Variants in ZDHHC20 observed in about 807,000 individuals in gnomAD.
The protein encoded by ZDHHC20 is zDHHC palmitoyltransferase 20, also known as palmitoyltransferase ZDHHC20.
ZDHHC20 carries 43 observed loss-of-function variants against 57.8 expected under a neutral mutation model. The ratio of observed to expected loss-of-function variants is 0.74; its 90% CI spans 0.58 to 0.96. The LOEUF (loss-of-function observed/expected upper bound fraction) is 0.96. Ranked by LOEUF, ZDHHC20 falls within the 40% of genes least tolerant of loss-of-function variation. The pLI is 0.00. For missense variants in ZDHHC20, 391 were observed against 441.1 expected (o/e 0.89, Z 1.02); for synonymous variants, 157 against 153.0 (o/e 1.03, Z -0.19).
intron 4 of ZDHHC20, among the ~76,000 whole-genome samples, chr13:21,412,121 G>T (rs528068926): frequency 6.6e-6 from 1 of 152,310 alleles, no homozygotes; most frequent in East Asian, 1.9e-4. Flanking sequence ...AACAGGAAGG[G>T]TGCTGCATCC....
In ZDHHC20 at chr13:21,402,825, G is replaced by C. The variant is rs981600749; in HGVS notation, c.412C>G (p.Arg138Gly). 2 of 1,598,792 alleles carry C rather than the reference G, an allele frequency of 1.3e-6. No individual in the cohort carries two copies. Among genetic ancestry groups the C allele is most frequent in the Non-Finnish European group, 1.7e-6 (2 of 1,172,356 alleles). ...CEKCQLIKPD[R>G]AHHCSACDSC... ...TCACAGGCTGAGCAGTGATGCGCCC[G>C]ATCAGGTTTAATCAGCTGACATTTT... The change falls in exon 5 of 13, where the codon CGG becomes GGG. Residue 138 changes from arginine to glycine, a missense_variant. Arg to Gly is a moderately radical substitution (Grantham distance 125). Coordinates refer to ENST00000400590, the MANE Select transcript of ZDHHC20 (RefSeq NM_001330059.2).
chr13:21,412,967 C>CAAAAA (rs60707653), intron 4 of ZDHHC20, among the ~76,000 whole-genome samples: 27 of 67,084 alleles, frequency 4.0e-4, no homozygotes, highest in African/African-American at 1.2e-3. Context: ...GACTCCGTCT[C>CAAAAA]AAAAAAAAAA....
At chr13:21,446,584 T>C (rs561613360) in intron 1 of ZDHHC20, among the ~76,000 whole-genome samples, 1 of 152,356 alleles carries the variant, frequency 6.6e-6, no homozygotes, top group South Asian at 2.1e-4. Context: ...TTTTTTTAAA[T>C]TTTATTTTAA....
At chr13:21,419,647 C>T (rs1038154641) in intron 3 of ZDHHC20, among the ~76,000 whole-genome samples, 2 of 152,126 alleles carry the variant, frequency 1.3e-5, no homozygotes, top group Non-Finnish European at 2.9e-5. Context: ...CTAGAAAACT[C>T]CATTTATATT....
At chr13:21,383,146 AT>A in intron 9 of ZDHHC20, 137 bp from the exon 10 acceptor site, 1 of 761,488 alleles carries the variant, frequency 1.3e-6, no homozygotes, top group Non-Finnish European at 2.1e-6. Flanking sequence ...AAAATTTCTA[AT>A]TTAGGGGTTA....
At chr13:21,439,059 A>C (rs1488969451) in intron 1 of ZDHHC20, among the ~76,000 whole-genome samples, 2 of 152,200 alleles carry the variant, frequency 1.3e-5, no homozygotes, top group Admixed American at 6.5e-5. Flanking sequence ...GGAAACCAAA[A>C]ACTTGTATGA....
At chr13:21,383,658 T>TA (rs992709553) in intron 9 of ZDHHC20, among the ~76,000 whole-genome samples, 4 of 152,228 alleles carry the variant, frequency 2.6e-5, no homozygotes, top group Admixed American at 2.6e-4. Flanking sequence ...CTGACCTGCT[T>TA]ATCATAATCA....
chr13:21,379,436 C>G (rs942731060), intron 11 of ZDHHC20, among the ~76,000 whole-genome samples: 4 of 152,042 alleles, frequency 2.6e-5, no homozygotes, highest in African/African-American at 9.7e-5. Flanking sequence ...CACATGCTAT[C>G]AGGCCTAGAA....
intron 4 of ZDHHC20, among the ~76,000 whole-genome samples, chr13:21,409,218 G>T (rs1878871276): frequency 6.6e-6 from 1 of 152,160 alleles, no homozygotes; most frequent in Non-Finnish European, 1.5e-5. Context: ...GTAGAATTTG[G>T]CTGTGAATCC....
At chr13:21,402,165 CTA>C (rs1877724231) in intron 5 of ZDHHC20, among the ~76,000 whole-genome samples, 1 of 152,098 alleles carries the variant, frequency 6.6e-6, no homozygotes, top group Non-Finnish European at 1.5e-5. Flanking sequence ...CAGATGGCCC[CTA>C]TGTTATTTTA....
At chr13:21,411,105 C>T (rs1372796435) in intron 4 of ZDHHC20, among the ~76,000 whole-genome samples, 1 of 152,164 alleles carries the variant, frequency 6.6e-6, no homozygotes, top group Non-Finnish European at 1.5e-5. Flanking sequence ...CTTCCCTTGG[C>T]TAGGGGAGGG....
intron 1 of ZDHHC20, among the ~76,000 whole-genome samples, chr13:21,441,857 G>A (rs1322243542): frequency 6.6e-6 from 1 of 151,968 alleles, no homozygotes; most frequent in Admixed American, 6.6e-5. Flanking sequence ...CAGATAATCT[G>A]CACACAGAAA....
At chr13:21,409,143 C>T (rs1878858807) in intron 4 of ZDHHC20, among the ~76,000 whole-genome samples, 1 of 152,166 alleles carries the variant, frequency 6.6e-6, no homozygotes, top group Non-Finnish European at 1.5e-5. Flanking sequence ...AGGGAGGAGT[C>T]CCCCTTTTTC....
chr13:21,376,680 G>T, intron 12 of ZDHHC20, 25 bp from the exon 13 acceptor site: 1 of 1,360,980 alleles, frequency 7.3e-7, no homozygotes, highest in South Asian at 1.4e-5. Flanking sequence ...ACAAATTATT[G>T]GTTAAAACTT....
intron 3 of ZDHHC20, 121 bp downstream of exon 3, chr13:21,420,938 AAG>A: frequency 1.4e-6 from 1 of 717,836 alleles, no homozygotes; most frequent in Non-Finnish European, 2.4e-6. Context: ...CAGAGCAACC[AAG>A]CAGTTTTATG....
chr13:21,439,825 G>A (rs1419402209), intron 1 of ZDHHC20, among the ~76,000 whole-genome samples: 1 of 151,906 alleles, frequency 6.6e-6, no homozygotes, highest in Non-Finnish European at 1.5e-5. Context: ...CCAGCAATAT[G>A]GGAGGCTGAG....
At chr13:21,433,786 C>T (rs1409181078) in intron 1 of ZDHHC20, among the ~76,000 whole-genome samples, 1 of 152,170 alleles carries the variant, frequency 6.6e-6, no homozygotes, top group Non-Finnish European at 1.5e-5. Flanking sequence ...CAGCCCATGA[C>T]CATGGCGTAG....
At chr13:21,427,834 C>CAA (rs755599024) in intron 1 of ZDHHC20, among the ~76,000 whole-genome samples, 21,719 of 92,006 alleles carry the variant, frequency 0.24, 2,282 homozygotes, top group Non-Finnish European at 0.27. Flanking sequence ...GACTCTGTTT[C>CAA]AAAAAAAAAA....
At chr13:21,440,021 C>T (rs1021619505) in intron 1 of ZDHHC20, among the ~76,000 whole-genome samples, 6 of 138,570 alleles carry the variant, frequency 4.3e-5, no homozygotes, top group Non-Finnish European at 6.0e-5. Flanking sequence ...GAGCCAAGAT[C>T]GCGCCATGGC....
Sources: allele counts gnomAD v4.1 joint callset (sites outside exome capture counted in the v4.1 genomes callset), GRCh38; gene constraint gnomAD v4.1.1; transcripts MANE v1.5; gene names NCBI Gene and HGNC (gene_info 2026-07-23, HGNC 2026-07-21).